Variants in KIR2DL4 observed in about 807,000 individuals in gnomAD.
KIR2DL4 encodes the protein killer cell immunoglobulin like receptor, two Ig domains and long cytoplasmic tail 4.
A neutral mutation model predicts 31.0 loss-of-function variants in KIR2DL4; 41 were observed. That is an observed-to-expected ratio of 1.32 (90% CI 1.03 to 1.72). KIR2DL4 has a LOEUF of 1.72. Ranked by LOEUF, KIR2DL4 falls within the 40% of genes most tolerant of loss-of-function variation. The probability of loss-of-function intolerance (pLI) is 0.00; values close to 1 mark genes in which losing one functional copy is unlikely to be tolerated. For synonymous variants in KIR2DL4, 164 were observed against 133.6 expected (o/e 1.23, Z -1.57); for missense variants, 438 against 353.7 (o/e 1.24, Z -1.91).
rs752861823 is a variant in KIR2DL4, at chr19:54,803,866, A to G, written c.41-25A>G. 2 of 1,602,804 alleles carry G rather than the reference A, an allele frequency of 1.2e-6. 1 individual carries two copies. The highest frequency in any genetic ancestry group is 2.2e-5 in the South Asian group (2 of 90,238). On this transcript the variant is annotated intron_variant, in intron 1 of 7. Transcript: ENST00000359085. Reference sequence around the variant, plus strand: ...AGGGTAGGTTGCTGCCGAGATGAATAGTTCATCATGATCTTTCTTTGCAGG... The same window carrying G: ...AGGGTAGGTTGCTGCCGAGATGAATGGTTCATCATGATCTTTCTTTGCAGG...
At chr19:54,813,226 A>G in exon 6 of KIR2DL4, 2 of 1,584,216 alleles carry the variant, frequency 1.3e-6, no homozygotes, top group Non-Finnish European at 1.7e-6. Flanking sequence ...CTCCAAAAAA[A>G]AAGTAAGCCT....
At chr19:54,804,848 A>G (rs2147880544) in exon 3 of KIR2DL4, 2 of 1,612,344 alleles carry the variant, frequency 1.2e-6, no homozygotes, top group South Asian at 2.2e-5. Flanking sequence ...TGCCTCAAGG[A>G]GGACACGTGA....
intron 5 of KIR2DL4, among the ~76,000 whole-genome samples, chr19:54,810,646 C>G (rs608316): frequency 0.34 from 50,827 of 148,920 alleles, 9,370 homozygotes; most frequent in Non-Finnish European, 0.39. Flanking sequence ...CTGGGAATGA[C>G]ATGGGGAGAA....
At chr19:54,812,401 C>G (rs2147971087) in intron 5 of KIR2DL4, among the ~76,000 whole-genome samples, 1 of 151,478 alleles carries the variant, frequency 6.6e-6, no homozygotes, top group East Asian at 1.9e-4. Flanking sequence ...GAACACTCAG[C>G]TAAAGCACTG....
At chr19:54,807,220 G>C (rs1408448131) in intron 4 of KIR2DL4, among the ~76,000 whole-genome samples, 1 of 150,590 alleles carries the variant, frequency 6.6e-6, no homozygotes. Flanking sequence ...TTGTATGGAT[G>C]AGTTGTCTCC....
chr19:54,811,250 T>C (rs1354885072), intron 5 of KIR2DL4, among the ~76,000 whole-genome samples: 1 of 150,548 alleles, frequency 6.6e-6, no homozygotes, highest in Non-Finnish European at 1.5e-5. Context: ...ATACAAAAAC[T>C]AGCTGGGGGT....
chr19:54,807,818 T>C (rs672486), intron 4 of KIR2DL4, among the ~76,000 whole-genome samples: 124,650 of 146,464 alleles, frequency 0.85, 53,619 homozygotes, highest in East Asian at 0.94. Flanking sequence ...AACAGTGTAT[T>C]AGGGTTCTCC....
At chr19:54,810,870 C>G (rs1403483582) in intron 5 of KIR2DL4, among the ~76,000 whole-genome samples, 1 of 150,654 alleles carries the variant, frequency 6.6e-6, no homozygotes, top group African/African-American at 2.5e-5. Flanking sequence ...TTCCCGCCCC[C>G]CTGGTGAAAT....
chr19:54,813,775 G>A, intron 7 of KIR2DL4, 33 bp downstream of exon 6: 2 of 1,611,466 alleles, frequency 1.2e-6, no homozygotes, highest in Non-Finnish European at 8.5e-7. Flanking sequence ...CATGGATACA[G>A]TCTTATTCCG....
chr19:54,806,301 G>A (rs1417382311), intron 4 of KIR2DL4, 57 bp downstream of exon 4: 1 of 1,512,526 alleles, frequency 6.6e-7, no homozygotes, highest in African/African-American at 1.4e-5. Context: ...TAGCTGAGGA[G>A]CTTCCTGCTG....
rs1422065389 is a variant in KIR2DL4, at chr19:54,805,034, T to TG, written c.319dup (p.Glu107GlyfsTer18). On this transcript the variant is annotated frameshift_variant, in exon 3 of 8. Coordinates refer to ENST00000359085, the Ensembl canonical transcript of KIR2DL4. LOFTEE classifies it high-confidence loss of function. ...GAGGTTTTCACCCGCACTCCCCCAC[T>TG]GAGTGGTCGGCACCCAGCAACCCCC... is the stretch of plus-strand genomic sequence containing the variant. 5 of 1,610,420 alleles carry TG rather than the reference T, an allele frequency of 3.1e-6. No homozygotes were observed. The Admixed American group carries it at 8.4e-5, about 27-fold the overall frequency.
chr19:54,811,294 A>T (rs1444769305), intron 5 of KIR2DL4, among the ~76,000 whole-genome samples: 1 of 151,028 alleles, frequency 6.6e-6, no homozygotes, highest in Admixed American at 6.6e-5. Flanking sequence ...GCTATTCGGG[A>T]AGTTGAAGAA....
chr19:54,810,514 T>A lies in KIR2DL4; in HGVS notation c.706+1631T>A, dbSNP rs926311777. Among the ~76,000 whole-genome samples the A allele has an allele frequency of 8.6e-5, 13 of 150,984 alleles. No homozygotes were observed. In the East Asian group the frequency reaches 2.3e-3, roughly 27 times the overall value. On this transcript the variant is annotated intron_variant, in intron 5 of 7. Transcript: ENST00000359085. ...ACTGATCAAATAATACTTGTGACCT[T>A]AATGAAAAAAATAGATCAACCCCTG...
At chr19:54,812,433 G>A (rs1165836635) in intron 5 of KIR2DL4, among the ~76,000 whole-genome samples, 1 of 151,414 alleles carries the variant, frequency 6.6e-6, no homozygotes, top group Non-Finnish European at 1.5e-5. Flanking sequence ...CCTCCAGGAA[G>A]AACAGGAAGA....
At chr19:54,814,193 GT>G (rs2061073271) in exon 8 of KIR2DL4, 1 of 1,466,316 alleles carries the variant, frequency 6.8e-7, no homozygotes, top group South Asian at 1.2e-5. Flanking sequence ...AATGTCTAAG[GT>G]CCCCACTGCC....
In KIR2DL4 at chr19:54,813,679, G is replaced by T. The variant is rs372293579; in HGVS notation, c.811-11G>T. 1.1e-4 allele frequency: 185 copies of T among 1,610,962 alleles called. 1 individual carries two copies. Among genetic ancestry groups the T allele is most frequent in the Non-Finnish European group, 1.5e-4 (179 of 1,179,192 alleles). On this transcript the variant is annotated splice_polypyrimidine_tract_variant and intron_variant, in intron 6 of 7. Coordinates refer to ENST00000359085, the Ensembl canonical transcript of KIR2DL4. ...CCTCCCAGCTGTTTTGATTGCTTCC[G>T]TCTCCTACAGATGCTGCTGTAATGA...
At chr19:54,811,258 G>T (rs2060850084) in intron 5 of KIR2DL4, among the ~76,000 whole-genome samples, 1 of 150,608 alleles carries the variant, frequency 6.6e-6, no homozygotes, top group Non-Finnish European at 1.5e-5. Context: ...ACTAGCTGGG[G>T]GTGGTGGCGC....
At chr19:54,812,803 C>A (rs2060940825) in intron 5 of KIR2DL4, among the ~76,000 whole-genome samples, 1 of 142,884 alleles carries the variant, frequency 7.0e-6, no homozygotes, top group Admixed American at 7.0e-5. Context: ...CTGGGGACAG[C>A]ATTAATCTAT....
At position 54,811,577 on chromosome 19, in the gene KIR2DL4, T is replaced by C. The variant is rs2060871727; in HGVS notation, c.707-1548T>C. 1.3e-5 allele frequency among the ~76,000 whole-genome samples: 2 copies of C among 151,010 alleles called. 1 individual carries two copies. The highest frequency in any genetic ancestry group is 4.9e-5 in the African/African-American group (2 of 40,824). On this transcript the variant is annotated intron_variant, in intron 5 of 7. Coordinates refer to ENST00000359085, the Ensembl canonical transcript of KIR2DL4. The stretch of plus-strand genomic sequence containing the variant: ...TTGGCTTTCTGTGAGCATGAGATCA[T>C]ATGGAAAATGTGAAACCCACCAGCA...
Sources: gnomAD v4.1 joint callset for allele counts (sites outside exome capture counted in the v4.1 genomes callset) on GRCh38, gnomAD v4.1.1 for gene constraint, MANE v1.5 for transcripts, NCBI Gene and HGNC (gene_info 2026-07-23, HGNC 2026-07-21) for gene names.